Variants in CUBN observed in about 807,000 individuals in gnomAD.
CUBN encodes the protein cubilin.
A neutral mutation model predicts 405.3 loss-of-function variants in CUBN; 282 were observed. The ratio of observed to expected loss-of-function variants is 0.70; its 90% CI spans 0.63 to 0.77. The LOEUF (loss-of-function observed/expected upper bound fraction) is 0.77. Ranked by LOEUF, CUBN falls within the 30% of genes least tolerant of loss-of-function variation. CUBN has a pLI of 0.00. For synonymous variants in CUBN, 1,684 were observed against 1,617.0 expected (o/e 1.04, Z -0.99); for missense variants, 4,514 against 4,475.2 (o/e 1.01, Z -0.25).
At chr10:16,976,564 G>GA (rs1176174938) in intron 31 of CUBN, among the ~76,000 whole-genome samples, 1 of 151,410 alleles carries the variant, frequency 6.6e-6, no homozygotes, top group Non-Finnish European at 1.5e-5. Flanking sequence ...GGTTCCTTGA[G>GA]ATTCTATTTT....
chr10:17,072,446 AAAG>A (rs1835762099), intron 17 of CUBN, among the ~76,000 whole-genome samples: 1 of 152,152 alleles, frequency 6.6e-6, no homozygotes, highest in South Asian at 2.1e-4. Context: ...AAAAACTTAG[AAAG>A]AAGGCCAGGG....
intron 9 of CUBN, 52 bp downstream of exon 9, chr10:17,110,867 T>G: frequency 1.2e-6 from 2 of 1,613,248 alleles, no homozygotes; most frequent in Non-Finnish European, 1.7e-6. Flanking sequence ...TATTCCTATG[T>G]CTGTGTTCCC....
intron 56 of CUBN, among the ~76,000 whole-genome samples, chr10:16,878,912 C>T (rs545661797): frequency 1.3e-5 from 2 of 152,154 alleles, no homozygotes; most frequent in Non-Finnish European, 2.9e-5. Context: ...CTCTTTATGG[C>T]TGAATATTTT....
At chr10:16,895,015 C>T (rs1841138976) in intron 54 of CUBN, among the ~76,000 whole-genome samples, 1 of 152,152 alleles carries the variant, frequency 6.6e-6, no homozygotes, top group South Asian at 2.1e-4. Flanking sequence ...GAGCTTTCTC[C>T]TGTTTGGCCT....
At chr10:16,942,672 C>T (rs1037395488) in intron 36 of CUBN, among the ~76,000 whole-genome samples, 5 of 152,058 alleles carry the variant, frequency 3.3e-5, no homozygotes, top group South Asian at 2.1e-4. Flanking sequence ...TTTGGTGGTT[C>T]CTCAAAAAGT....
Position 17,114,996 on chromosome 10 carries a change from C to G in CUBN, c.720+475G>C, listed in dbSNP as rs536789479. Among the ~76,000 whole-genome samples the G allele has an allele frequency of 2.6e-5, 4 of 152,288 alleles. No homozygotes were observed. In the East Asian group the frequency reaches 7.7e-4, roughly 29 times the overall value. On this transcript the variant is annotated intron_variant, in intron 7 of 66. Coordinates refer to ENST00000377833, the MANE Select transcript of CUBN (RefSeq NM_001081.4). ...CGGTGGCTCATGCCTGTAATCGCAGCGCTTTGCGGGGCTGAGGCGGGTGGA... is the reference window on the plus strand; with the variant it reads ...CGGTGGCTCATGCCTGTAATCGCAGGGCTTTGCGGGGCTGAGGCGGGTGGA...
chr10:17,104,021 T>C (rs1007767823), intron 12 of CUBN, among the ~76,000 whole-genome samples: 3 of 152,184 alleles, frequency 2.0e-5, no homozygotes, highest in African/African-American at 7.2e-5. Context: ...AGTCTCTATT[T>C]AACAGGCAAC....
chr10:17,017,983 G>A (rs1834382839), intron 28 of CUBN, among the ~76,000 whole-genome samples: 1 of 152,010 alleles, frequency 6.6e-6, no homozygotes, highest in Admixed American at 6.6e-5. Flanking sequence ...CAACCAACTT[G>A]TTGTTGGGAC....
intron 36 of CUBN, among the ~76,000 whole-genome samples, chr10:16,943,420 T>G (rs915496344): frequency 7.1e-6 from 1 of 141,316 alleles, no homozygotes; most frequent in African/African-American, 2.8e-5. Context: ...TATAACACAA[T>G]ATTTCTATCT....
chr10:17,071,360 C>A, intron 19 of CUBN, 66 bp downstream of exon 19: 2 of 1,509,892 alleles, frequency 1.3e-6, no homozygotes, highest in Admixed American at 1.7e-5. Context: ...GATTTGAAGA[C>A]AACAACCCAT....
intron 65 of CUBN, among the ~76,000 whole-genome samples, chr10:16,831,044 G>C (rs958366344): frequency 6.6e-6 from 1 of 151,560 alleles, no homozygotes; most frequent in African/African-American, 2.4e-5. Context: ...CTAAGATCAC[G>C]CCACTACACT....
At chr10:16,862,376 G>A (rs1327476319) in intron 59 of CUBN, among the ~76,000 whole-genome samples, 1 of 152,066 alleles carries the variant, frequency 6.6e-6, no homozygotes, top group East Asian at 1.9e-4. Flanking sequence ...GTAAAATGGG[G>A]TAATTCCTGT....
chr10:16,959,325 A>ATT, intron 31 of CUBN, among the ~76,000 whole-genome samples: 2 of 152,334 alleles, frequency 1.3e-5, no homozygotes, highest in Middle Eastern at 3.4e-3. Flanking sequence ...TTTAACACTT[A>ATT]TAATATCAAA....
intron 2 of CUBN, among the ~76,000 whole-genome samples, chr10:17,128,217 G>A (rs765607091): frequency 7.9e-5 from 12 of 152,192 alleles, no homozygotes; most frequent in Non-Finnish European, 1.8e-4. Context: ...GAAGCAGACT[G>A]TTTAGGTTTT....
chr10:16,891,726 A>G (rs752036648), intron 54 of CUBN, among the ~76,000 whole-genome samples: 1 of 152,032 alleles, frequency 6.6e-6, no homozygotes, highest in Non-Finnish European at 1.5e-5. Context: ...AAAAAACCCC[A>G]AAAACATTAA....
At chr10:17,068,999 G>A (rs1156474363) in intron 19 of CUBN, among the ~76,000 whole-genome samples, 1 of 152,118 alleles carries the variant, frequency 6.6e-6, no homozygotes, top group East Asian at 1.9e-4. Context: ...TTCTGTCTCT[G>A]TAGATTGCCC....
rs1487929839 is a variant in CUBN, at chr10:16,840,403, A to T, written c.9959T>A (p.Ile3320Lys). Residue 3320 changes from isoleucine (I) to lysine (K), a missense_variant, in exon 62 of 67, where the codon ATA becomes AAA. By Grantham distance (102) the Ile-to-Lys change is moderately radical. Coordinates refer to ENST00000377833, the MANE Select transcript of CUBN (RefSeq NM_001081.4). ...IDSPPHQQVK[I>K]TVWALQLTSQ... ...GGTCAGCTGTAATGCCCACACAGTTATCTTGACCTGCTGATGCGGAGGGGA... is the reference window on the plus strand; with the variant it reads ...GGTCAGCTGTAATGCCCACACAGTTTTCTTGACCTGCTGATGCGGAGGGGA... 1 of 1,614,120 alleles carries T rather than the reference A, an allele frequency of 6.2e-7. No homozygotes were observed. The highest frequency in any genetic ancestry group is 8.5e-7 in the Non-Finnish European group (1 of 1,179,998).
rs565443584 is a variant in CUBN, at chr10:16,829,110, A to T, written c.10529-70T>A. ...GCCGTCCAGTCTGGCTTGTTAGGCA[A>T]TAAGACTTTATTTTCTTAAGGTGCT... On this transcript the variant is annotated intron_variant, in intron 65 of 66. Transcript: ENST00000377833. The T allele has an allele frequency of 5.4e-6, 6 of 1,113,794 alleles. No individual in the cohort carries two copies. The East Asian group carries it at 1.3e-4, about 23-fold the overall frequency. 69.0% of individuals were successfully genotyped at this position (1,113,794 alleles called of 1,614,324 possible).
intron 31 of CUBN, among the ~76,000 whole-genome samples, chr10:16,958,457 C>T (rs1843131784): frequency 6.6e-6 from 1 of 152,098 alleles, no homozygotes; most frequent in Non-Finnish European, 1.5e-5. Flanking sequence ...ACCCAGGAGG[C>T]AGAGGTTGCA....
Sources: allele counts gnomAD v4.1 joint callset (sites outside exome capture counted in the v4.1 genomes callset), GRCh38; gene constraint gnomAD v4.1.1; transcripts MANE v1.5; gene names NCBI Gene and HGNC (gene_info 2026-07-23, HGNC 2026-07-21).